TAFA2: variants seen among roughly 807,000 people sequenced by gnomAD.
The protein encoded by TAFA2 is chemokine-like protein TAFA-2.
In TAFA2, 7 loss-of-function variants were observed where a neutral mutation model predicts 18.8. That is an observed-to-expected ratio of 0.37 (90% confidence interval 0.21 to 0.70). The LOEUF (loss-of-function observed/expected upper bound fraction) is 0.70. Among genes scored for constraint, TAFA2 ranks in the 30% least tolerant of loss-of-function variants. TAFA2 has a pLI of 0.53. For synonymous variants in TAFA2, 60 were observed against 54.2 expected, an observed-to-expected ratio of 1.11 and a Z score of -0.47; for missense variants, 122 against 158.1, an observed-to-expected ratio of 0.77 and a Z score of 1.23.
rs1179997927 is a variant in TAFA2 at position 61,922,103 on chromosome 12, T to C, written c.-1-54677A>G. Among the ~76,000 whole-genome samples the C allele has an allele frequency of 2.2e-5, 3 of 138,480 alleles. No homozygotes were observed. In the South Asian group the frequency reaches 6.3e-4, roughly 29 times the overall value. The allele number at this position is 138,480 out of a possible 152,430, so 90.8% of individuals were successfully genotyped here. On this transcript the variant is annotated intron_variant, in intron 1 of 4. Coordinates refer to ENST00000416284, the MANE Select transcript of TAFA2 (RefSeq NM_178539.5). ...ACCACAAAGACCAGATTCGATTTTG[T>C]GTAGAAGAGGAGAGCAAGTGCTGCA...
At chr12:61,923,611 T>C (rs1342809090) in intron 1 of TAFA2, among the ~76,000 whole-genome samples, 1 of 152,042 alleles carries the variant, frequency 6.6e-6, no homozygotes, top group Non-Finnish European at 1.5e-5. Context: ...CAAAGGTAGA[T>C]AAATCTACAA....
chr12:62,042,429 G>GTGCT (rs1565725974), intron 1 of TAFA2, among the ~76,000 whole-genome samples: 2 of 76,824 alleles, frequency 2.6e-5, no homozygotes, highest in African/African-American at 9.6e-5. Flanking sequence ...GTGTGTGTGT[G>GTGCT]CGCGTGTGTG....
At chr12:61,779,197 A>C (rs2120877794) in intron 2 of TAFA2, among the ~76,000 whole-genome samples, 1 of 152,002 alleles carries the variant, frequency 6.6e-6, no homozygotes, top group South Asian at 2.1e-4. Flanking sequence ...CTTAAAAGAT[A>C]GTCTGAGAAG....
intron 4 of TAFA2, among the ~76,000 whole-genome samples, chr12:61,712,091 A>G (rs780691301): frequency 1.8e-4 from 28 of 151,818 alleles, no homozygotes; most frequent in Non-Finnish European, 2.9e-4. Context: ...TGAGAGAGAA[A>G]GAGAGAGAGA....
At chr12:62,096,822 G>A (rs1289874381) in intron 1 of TAFA2, among the ~76,000 whole-genome samples, 1 of 152,086 alleles carries the variant, frequency 6.6e-6, no homozygotes, top group Non-Finnish European at 1.5e-5. Context: ...TGATTGCCAG[G>A]CCTCTGTAAT....
intron 1 of TAFA2, among the ~76,000 whole-genome samples, chr12:61,987,538 A>G (rs1195168115): frequency 1.3e-5 from 2 of 152,224 alleles, no homozygotes. Context: ...ACTACCATGG[A>G]AATATTATTC....
chr12:62,111,026 AG>A (rs1869705871), intron 1 of TAFA2, among the ~76,000 whole-genome samples: 1 of 151,744 alleles, frequency 6.6e-6, no homozygotes. Flanking sequence ...GTCTTCTGCT[AG>A]CTTTTGTATT....
At chr12:62,019,656 A>G (rs1339961463) in intron 1 of TAFA2, among the ~76,000 whole-genome samples, 1 of 123,636 alleles carries the variant, frequency 8.1e-6, no homozygotes, top group Non-Finnish European at 1.6e-5. Context: ...AACATCACAC[A>G]CCGGGGACTG....
intron 2 of TAFA2, among the ~76,000 whole-genome samples, chr12:61,772,105 A>G (rs1485990498): frequency 1.3e-5 from 2 of 152,024 alleles, no homozygotes; most frequent in African/African-American, 4.8e-5. Context: ...AAACACCTTC[A>G]TGTTCACATA....
At chr12:62,147,456 C>T (rs1920104) in intron 1 of TAFA2, among the ~76,000 whole-genome samples, 25,239 of 148,240 alleles carry the variant, frequency 0.17, 2,590 homozygotes, top group East Asian at 0.39. Context: ...ATCGGCCGGG[C>T]ATGGTGGCTC....
At chr12:61,853,591 C>T (rs1041746537) in intron 2 of TAFA2, among the ~76,000 whole-genome samples, 1 of 152,098 alleles carries the variant, frequency 6.6e-6, no homozygotes, top group Non-Finnish European at 1.5e-5. Context: ...GGAAGCATCA[C>T]GTCCATCCTG....
intron 1 of TAFA2, among the ~76,000 whole-genome samples, chr12:61,919,684 G>A (rs982826187): frequency 2.0e-4 from 30 of 151,108 alleles, no homozygotes; most frequent in Admixed American, 4.0e-4. Context: ...TATTATATAC[G>A]TTTATTTTAT....
chr12:61,862,168 T>C (rs1874157624), intron 2 of TAFA2, among the ~76,000 whole-genome samples: 3 of 152,204 alleles, frequency 2.0e-5, no homozygotes, highest in South Asian at 4.1e-4. Context: ...GAACTTGGAA[T>C]CCTAAACTAA....
At chr12:62,233,757 C>T (rs1351650771) in intron 1 of TAFA2, among the ~76,000 whole-genome samples, 2 of 152,178 alleles carry the variant, frequency 1.3e-5, no homozygotes, top group Non-Finnish European at 2.9e-5. Flanking sequence ...CAAAAATGAG[C>T]CCCTTCTGCT....
At chr12:62,138,868 G>A (rs949768844) in intron 1 of TAFA2, among the ~76,000 whole-genome samples, 6 of 152,146 alleles carry the variant, frequency 3.9e-5, no homozygotes, top group African/African-American at 1.4e-4. Context: ...GAAGAGGTGT[G>A]AGCTTTACAT....
At chr12:61,829,024 A>G (rs1164669381) in intron 2 of TAFA2, among the ~76,000 whole-genome samples, 1 of 151,770 alleles carries the variant, frequency 6.6e-6, no homozygotes, top group Non-Finnish European at 1.5e-5. Context: ...ATAATGTTCT[A>G]GTTTATTTTC....
chr12:61,938,227 T>A, intron 1 of TAFA2, among the ~76,000 whole-genome samples: 1 of 84,388 alleles, frequency 1.2e-5, no homozygotes, highest in Admixed American at 1.4e-4. Context: ...ACAATAGATA[T>A]GGTAAAAAAA....
chr12:61,803,694 A>G (rs977987960), intron 2 of TAFA2, among the ~76,000 whole-genome samples: 4 of 151,892 alleles, frequency 2.6e-5, no homozygotes, highest in African/African-American at 9.7e-5. Flanking sequence ...TTAAATTAAT[A>G]TTTTTATTAT....
At chr12:62,013,331 C>G (rs752854590) in intron 1 of TAFA2, among the ~76,000 whole-genome samples, 6 of 152,134 alleles carry the variant, frequency 3.9e-5, no homozygotes, top group Non-Finnish European at 8.8e-5. Context: ...CAGCACATAA[C>G]AGGTTTGAAC....
Sources: allele counts gnomAD v4.1 joint callset (sites outside exome capture counted in the v4.1 genomes callset), GRCh38; gene constraint gnomAD v4.1.1; transcripts MANE v1.5; gene names NCBI Gene and HGNC (gene_info 2026-07-23, HGNC 2026-07-21).